The following RBMS3 variants were observed in gnomAD, a reference collection of about 807,000 sequenced individuals.
The protein encoded by RBMS3 is RNA binding motif single stranded interacting protein 3.
A neutral mutation model predicts 66.8 loss-of-function variants in RBMS3; 27 were observed. The ratio of observed to expected loss-of-function variants is 0.40; its 90% CI spans 0.30 to 0.56. The LOEUF (loss-of-function observed/expected upper bound fraction) is 0.56, where lower values mean the gene tolerates loss of function less well. RBMS3 is among the 20% of genes least tolerant of loss of function. The pLI, the probability that RBMS3 is intolerant of heterozygous loss-of-function variation, is 0.40. For missense variants in RBMS3, 513 were observed against 549.5 expected (o/e 0.93, Z 0.66); for synonymous variants, 188 against 183.0 (o/e 1.03, Z -0.22).
At chr3:29,427,631 G>A (rs1041744157) in intron 1 of RBMS3, among the ~76,000 whole-genome samples, 5 of 152,192 alleles carry the variant, frequency 3.3e-5, no homozygotes, top group African/African-American at 1.2e-4. Flanking sequence ...TTCATTTTTG[G>A]ATAGTAAAAG....
Position 29,309,609 on chromosome 3 carries a change from T to TG in RBMS3, c.75+27861dup, listed in dbSNP as rs1022063481. On this transcript the variant is annotated intron_variant, in intron 1 of 14. Transcript: ENST00000383767. ...TAGAATCCTAGGGAATATGCAGTGG[T>TG]GGGGGGGGCGGTGGTGGCGGTGGTG... Among the ~76,000 whole-genome samples the TG allele has an allele frequency of 3.5e-3, 508 of 145,718 alleles. 3 individuals are homozygous for TG. The highest frequency in any genetic ancestry group is 9.8e-3 in the African/African-American group (388 of 39,516).
intron 9 of RBMS3, among the ~76,000 whole-genome samples, chr3:29,898,736 C>CATGTGT (rs5847604): frequency 7.0e-6 from 1 of 142,532 alleles, no homozygotes; most frequent in African/African-American, 2.6e-5. Context: ...TTGTAATGTG[C>CATGTGT]GTGTGTGTGT....
At chr3:29,518,401 G>A (rs2044724677) in intron 3 of RBMS3, among the ~76,000 whole-genome samples, 1 of 152,192 alleles carries the variant, frequency 6.6e-6, no homozygotes, top group Admixed American at 6.5e-5. Flanking sequence ...AGTCAGTAAA[G>A]TAGCCAGCGC....
intron 4 of RBMS3, among the ~76,000 whole-genome samples, chr3:29,601,460 G>T (rs1239213432): frequency 6.6e-6 from 1 of 151,888 alleles, no homozygotes. Context: ...TTTTCAAATG[G>T]TCTCCATATA....
At chr3:29,828,004 C>A (rs958783909) in intron 6 of RBMS3, among the ~76,000 whole-genome samples, 1 of 151,828 alleles carries the variant, frequency 6.6e-6, no homozygotes, top group African/African-American at 2.4e-5. Context: ...TAGCTCAGTT[C>A]ATATATTTTT....
chr3:29,594,982 G>A (rs907330357), intron 4 of RBMS3, among the ~76,000 whole-genome samples: 1 of 152,140 alleles, frequency 6.6e-6, no homozygotes, highest in Non-Finnish European at 1.5e-5. Flanking sequence ...TGCTTTCCTA[G>A]CATTGGACAA....
chr3:29,668,657 G>A (rs2050866341), intron 4 of RBMS3, among the ~76,000 whole-genome samples: 1 of 152,102 alleles, frequency 6.6e-6, no homozygotes, highest in Non-Finnish European at 1.5e-5. Context: ...ACAAAAGGGT[G>A]GAATGAAGCT....
At chr3:29,975,221 T>A (rs1432230696) in intron 12 of RBMS3, among the ~76,000 whole-genome samples, 1 of 150,344 alleles carries the variant, frequency 6.7e-6, no homozygotes, top group Non-Finnish European at 1.5e-5. Flanking sequence ...TTATAAATAA[T>A]TTTACTTTAA....
chr3:29,665,318 G>A (rs543476142), intron 4 of RBMS3, among the ~76,000 whole-genome samples: 2 of 152,024 alleles, frequency 1.3e-5, no homozygotes. Flanking sequence ...ATATACGATT[G>A]ATTTATTTAA....
At chr3:29,607,945 C>A (rs1380286691) in intron 4 of RBMS3, among the ~76,000 whole-genome samples, 3 of 151,920 alleles carry the variant, frequency 2.0e-5, no homozygotes, top group Non-Finnish European at 4.4e-5. Context: ...TTTGCCTTTA[C>A]TATAGAATTT....
chr3:29,719,529 T>A (rs779100463), intron 4 of RBMS3, among the ~76,000 whole-genome samples: 15 of 152,180 alleles, frequency 9.9e-5, no homozygotes, highest in Non-Finnish European at 1.8e-4. Context: ...CATGTTTATA[T>A]TTATAGATCA....
intron 1 of RBMS3, among the ~76,000 whole-genome samples, chr3:29,329,999 A>T (rs2035563313): frequency 6.6e-6 from 1 of 151,654 alleles, no homozygotes; most frequent in African/African-American, 2.4e-5. Context: ...AACTTCTAGA[A>T]CAATTTTTCC....
chr3:29,573,498 T>C (rs1431732758), intron 3 of RBMS3, among the ~76,000 whole-genome samples: 1 of 152,150 alleles, frequency 6.6e-6, no homozygotes, highest in African/African-American at 2.4e-5. Context: ...AGTTTGCCAA[T>C]TTTGTTTATC....
intron 6 of RBMS3, among the ~76,000 whole-genome samples, chr3:29,859,111 G>A (rs1470246736): frequency 6.6e-6 from 1 of 152,050 alleles, no homozygotes; most frequent in Non-Finnish European, 1.5e-5. Context: ...TCTTTTTAGT[G>A]TATATTCCCT....
Position 30,004,133 on chromosome 3 carries a change from C to G in RBMS3, c.*271C>G. The G allele has an allele frequency of 3.6e-6, 1 of 281,414 alleles. No individual in the cohort carries two copies. The highest frequency in any genetic ancestry group is 5.7e-5 in the East Asian group (1 of 17,396). 17.4% of individuals were successfully genotyped at this position (281,414 alleles called of 1,614,324 possible). A position where few individuals can be genotyped will look rare whatever the true frequency, so the allele number is the denominator to read the frequency against. On this transcript the variant is annotated 3_prime_UTR_variant, in exon 15 of 15. Coordinates refer to ENST00000383767, the MANE Select transcript of RBMS3 (RefSeq NM_001003793.3). ...AAGAGGAAAAAAAAACTACAAAAAACAAAACATTGAAGGTTGATATTTTAT... is the reference window on the plus strand; with the variant it reads ...AAGAGGAAAAAAAAACTACAAAAAAGAAAACATTGAAGGTTGATATTTTAT...
At chr3:29,931,991 A>G (rs2061141564) in intron 10 of RBMS3, among the ~76,000 whole-genome samples, 1 of 152,196 alleles carries the variant, frequency 6.6e-6, no homozygotes, top group Non-Finnish European at 1.5e-5. Flanking sequence ...AAGACAGCAG[A>G]AAAAAAGGGA....
At chr3:29,584,538 C>A (rs1276314976) in intron 3 of RBMS3, among the ~76,000 whole-genome samples, 1 of 152,114 alleles carries the variant, frequency 6.6e-6, no homozygotes, top group Non-Finnish European at 1.5e-5. Context: ...ATTTCTGACT[C>A]AACATGTCTC....
chr3:29,719,197 T>C (rs1452241309), intron 4 of RBMS3, among the ~76,000 whole-genome samples: 3 of 152,170 alleles, frequency 2.0e-5, no homozygotes, highest in African/African-American at 7.2e-5. Flanking sequence ...GAGTTCATGG[T>C]TCTAAAATGA....
At chr3:29,733,195 C>T (rs963960833) in intron 4 of RBMS3, among the ~76,000 whole-genome samples, 2 of 151,990 alleles carry the variant, frequency 1.3e-5, no homozygotes, top group Admixed American at 6.6e-5. Flanking sequence ...CATACCTCTT[C>T]AGGGTATTTC....
Sources: gnomAD v4.1 joint callset for allele counts (sites outside exome capture counted in the v4.1 genomes callset) on GRCh38, gnomAD v4.1.1 for gene constraint, MANE v1.5 for transcripts, NCBI Gene and HGNC (gene_info 2026-07-23, HGNC 2026-07-21) for gene names.